The following ASTN1 variants were observed in gnomAD, a reference collection of about 807,000 sequenced individuals.
ASTN1 encodes astrotactin 1, also known as astrotactin-1.
In ASTN1, 41 loss-of-function variants were observed where a neutral mutation model predicts 140.7. That is an observed-to-expected ratio of 0.29 (90% CI 0.23 to 0.38). The LOEUF is 0.38. Among genes scored for constraint, ASTN1 ranks in the 10% least tolerant of loss-of-function variants. The pLI is 1.00. For missense variants in ASTN1, 1,479 were observed against 1,678.8 expected (o/e 0.88, Z 2.08); for synonymous variants, 640 against 652.2 (o/e 0.98, Z 0.29).
At chr1:176,971,903 T>C (rs1673155341) in intron 8 of ASTN1, among the ~76,000 whole-genome samples, 2 of 152,158 alleles carry the variant, frequency 1.3e-5, no homozygotes, top group Non-Finnish European at 2.9e-5. Context: ...CTCAGTACAA[T>C]CATGAGTTGC....
chr1:177,076,374 C>G (rs1406447848), intron 1 of ASTN1, among the ~76,000 whole-genome samples: 4 of 151,634 alleles, frequency 2.6e-5, no homozygotes, highest in African/African-American at 9.7e-5. Context: ...CAGAAGCAAG[C>G]CAGAAAACCT....
chr1:177,146,784 A>G (rs1682738522), intron 1 of ASTN1, among the ~76,000 whole-genome samples: 1 of 152,206 alleles, frequency 6.6e-6, no homozygotes, highest in Admixed American at 6.5e-5. Context: ...AATTTCAGCC[A>G]AATACTTAAG....
intron 8 of ASTN1, among the ~76,000 whole-genome samples, chr1:177,012,443 T>G (rs1421931178): frequency 6.6e-6 from 1 of 152,186 alleles, no homozygotes; most frequent in Admixed American, 6.5e-5. Flanking sequence ...TCCTAACAGT[T>G]GCTCCATTAT....
chr1:177,055,564 C>T (rs1157498331), intron 2 of ASTN1, among the ~76,000 whole-genome samples: 1 of 152,220 alleles, frequency 6.6e-6, no homozygotes, highest in Non-Finnish European at 1.5e-5. Context: ...ATGGCCCTGG[C>T]ATGTGGGCAG....
intron 8 of ASTN1, among the ~76,000 whole-genome samples, chr1:176,985,865 C>CT (rs1673877595): frequency 1.3e-5 from 2 of 149,842 alleles, no homozygotes; most frequent in Non-Finnish European, 3.0e-5. Context: ...CACACACACA[C>CT]ACACACACAC....
intron 8 of ASTN1, among the ~76,000 whole-genome samples, chr1:177,011,978 G>C (rs886133821): frequency 6.6e-6 from 1 of 152,108 alleles, no homozygotes; most frequent in Non-Finnish European, 1.5e-5. Flanking sequence ...TTTGGCCTAG[G>C]ATTTGGTTGT....
At chr1:177,164,258 G>A in intron 1 of ASTN1, 136 bp downstream of exon 1, 1 of 989,018 alleles carries the variant, frequency 1.0e-6, no homozygotes, top group Non-Finnish European at 1.5e-6. Context: ...AGAATGGTCC[G>A]GGAGTGGGGC....
chr1:176,891,145 G>A (rs1392716294), intron 17 of ASTN1, among the ~76,000 whole-genome samples: 1 of 152,168 alleles, frequency 6.6e-6, no homozygotes, highest in South Asian at 2.1e-4. Flanking sequence ...GAGCCCATTT[G>A]GAAAGAAAAA....
At chr1:176,873,676 T>G (rs1002711534) in intron 21 of ASTN1, among the ~76,000 whole-genome samples, 5 of 152,188 alleles carry the variant, frequency 3.3e-5, no homozygotes, top group African/African-American at 4.8e-5. Context: ...AAGGATACCC[T>G]CAATTAGTCT....
Position 176,949,363 on chromosome 1 carries a change from A to G in ASTN1, c.1888-12T>C, listed in dbSNP as rs1357709714. ...AGTCCAGATGGGCACTGGCACAATC[A>G]GAAAACATCCACATACGTGGGTGAA... is the stretch of plus-strand genomic sequence containing the variant. On this transcript the variant is annotated splice_polypyrimidine_tract_variant and intron_variant, in intron 11 of 22. Coordinates refer to ENST00000361833, the MANE Select transcript of ASTN1 (RefSeq NM_004319.3). 1.2e-6 allele frequency: 2 copies of G among 1,609,636 alleles called. No individual in the cohort carries two copies. Among genetic ancestry groups the G allele is most frequent in the Non-Finnish European group, 1.7e-6 (2 of 1,176,978 alleles).
intron 1 of ASTN1, among the ~76,000 whole-genome samples, chr1:177,152,964 A>C (rs1346042379): frequency 1.3e-5 from 2 of 152,190 alleles, no homozygotes; most frequent in African/African-American, 4.8e-5. Flanking sequence ...GTGACATCTC[A>C]AATCAGAGGG....
At chr1:176,957,584 G>T in intron 11 of ASTN1, 94 bp downstream of exon 11, 2 of 1,468,772 alleles carry the variant, frequency 1.4e-6, no homozygotes, top group Non-Finnish European at 9.2e-7. Context: ...GGGGATCACA[G>T]CACATTTTTC....
In ASTN1 at chr1:177,082,323, C is replaced by T. The variant is rs188715597; in HGVS notation, c.284-21058G>A. On this transcript the variant is annotated intron_variant, in intron 1 of 22. Transcript: ENST00000361833. Reference sequence around the variant, plus strand: ...GGCTTCTCTGGACCTGAGTTTCCTCCTCTATTAAATGAGAGGGATGGGCTC... The same window carrying T: ...GGCTTCTCTGGACCTGAGTTTCCTCTTCTATTAAATGAGAGGGATGGGCTC... 2.3e-3 allele frequency among the ~76,000 whole-genome samples: 350 copies of T among 152,236 alleles called. 2 individuals carry two copies. Among genetic ancestry groups the T allele is most frequent in the Non-Finnish European group, 1.7e-3 (115 of 68,026 alleles).
chr1:177,007,139 T>G (rs2101924773), intron 8 of ASTN1, among the ~76,000 whole-genome samples: 1 of 152,254 alleles, frequency 6.6e-6, no homozygotes, highest in South Asian at 2.1e-4. Flanking sequence ...ACGCTTGTAA[T>G]CTCAGCCACT....
Position 177,049,054 on chromosome 1 carries a change from G to T in ASTN1, c.471+12024C>A, listed in dbSNP as rs191892676. ...GACCATCACCTCATACTCGTAAATG[G>T]AAAAAAGAAAAGCAGAGTTGCTGCA... On this transcript the variant is annotated intron_variant, in intron 2 of 22. Coordinates refer to ENST00000361833, the MANE Select transcript of ASTN1 (RefSeq NM_004319.3). Among the ~76,000 whole-genome samples, 3 of 152,224 alleles carry T rather than the reference G, an allele frequency of 2.0e-5. No homozygotes were observed. In the East Asian group the frequency reaches 5.8e-4, roughly 29 times the overall value.
At chr1:177,024,831 A>C (rs749924790) in intron 5 of ASTN1, 99 bp from the exon 6 acceptor site, 184 of 1,381,930 alleles carry the variant, frequency 1.3e-4, no homozygotes, top group Non-Finnish European at 1.8e-4. Flanking sequence ...CAGGGGAGAC[A>C]GTTGGCAAAA....
chr1:176,864,011 AC>A lies in ASTN1; in HGVS notation c.*272del. ...TCTCAGGGAAAAAAAAATGAATGGA[AC>A]AAATTAATGGCAAAGCAAACCCCAA... On this transcript the variant is annotated 3_prime_UTR_variant, in exon 23 of 23. Transcript: ENST00000361833. 1 of 1,220,218 alleles carries A rather than the reference AC, an allele frequency of 8.2e-7. No homozygotes were observed. Among genetic ancestry groups the A allele is most frequent in the Non-Finnish European group, 1.0e-6 (1 of 974,014 alleles). The allele number at this position is 1,220,218 out of a possible 1,614,324, so 75.6% of individuals were successfully genotyped here.
At chr1:177,036,914 T>C (rs1676745507) in intron 2 of ASTN1, among the ~76,000 whole-genome samples, 1 of 152,076 alleles carries the variant, frequency 6.6e-6, no homozygotes, top group Admixed American at 6.5e-5. Flanking sequence ...CCATCTCCCA[T>C]GTTCAAGTGA....
In ASTN1 at chr1:176,894,662, T is replaced by C; in HGVS notation, c.2840A>G (p.His947Arg). ...AGGGGTGTCAGGGCTGGATGTCACA[T>C]GACACAGGGGGCAGGACGAGGGGCA... is the stretch of plus-strand genomic sequence containing the variant. Reference protein sequence around the residue: ...GRCPSSCPLCHVTSSPDTPAE... With the variant: ...GRCPSSCPLCRVTSSPDTPAE... Residue 947 changes from histidine to arginine, a missense_variant, in exon 17 of 23, where the codon CAT becomes CGT. Physicochemically the swap from His to Arg is conservative, Grantham distance 29. This residue lies in a region of ASTN1 where 746 missense variants were observed against 800.9 expected (regional missense o/e 0.93). Coordinates refer to ENST00000361833, the MANE Select transcript of ASTN1 (RefSeq NM_004319.3). The C allele has an allele frequency of 6.2e-7, 1 of 1,614,078 alleles. No homozygotes were observed.
Sources: allele counts gnomAD v4.1 joint callset (sites outside exome capture counted in the v4.1 genomes callset), GRCh38; gene constraint gnomAD v4.1.1; regional missense constraint gnomAD v4.1.1; transcripts MANE v1.5; gene names NCBI Gene and HGNC (gene_info 2026-07-23, HGNC 2026-07-21).